The following CCNT2 variants were observed in gnomAD, a reference collection of about 807,000 sequenced individuals.
CCNT2 encodes the protein cyclin T2.
A neutral mutation model predicts 70.0 loss-of-function variants in CCNT2; 18 were observed. That is an observed-to-expected ratio of 0.26 (90% CI 0.18 to 0.38). The LOEUF is 0.38. CCNT2 is among the 10% of genes least tolerant of loss of function. CCNT2 has a pLI of 1.00. For missense variants in CCNT2, 734 were observed against 890.2 expected (o/e 0.82, Z 2.23); for synonymous variants, 334 against 313.3 (o/e 1.07, Z -0.70).
At chr2:134,944,712 TCTCA>T (rs1445594756) in intron 5 of CCNT2, 5 of 983,864 alleles carry the variant, frequency 5.1e-6, no homozygotes, top group Non-Finnish European at 4.8e-6. Context: ...CTAGAATATA[TCTCA>T]CTCCATTTTA....
rs1037261493 is a variant in CCNT2, at chr2:134,957,476, A to G, written c.*2828A>G. On this transcript the variant is annotated 3_prime_UTR_variant, in exon 9 of 9. Transcript: ENST00000264157. ...ATTTGTTACCTTTACACAGAAGCAC[A>G]TTGCAAAGAAAGGCTTTATTTCTAC... is the stretch of plus-strand genomic sequence containing the variant. 6.6e-6 allele frequency: 1 copy of G among 152,208 alleles called. No homozygotes were observed. The highest frequency in any genetic ancestry group is 1.5e-5 in the Non-Finnish European group (1 of 68,010). 9.4% of individuals were successfully genotyped at this position (152,208 alleles called of 1,614,324 possible).
chr2:134,938,827 T>G (rs1005032191), intron 3 of CCNT2, among the ~76,000 whole-genome samples, 175 bp from the exon 4 acceptor site: 1 of 152,226 alleles, frequency 6.6e-6, no homozygotes, highest in African/African-American at 2.4e-5. Flanking sequence ...TAATTCAGTT[T>G]AGGCTTGCCA....
intron 2 of CCNT2, among the ~76,000 whole-genome samples, chr2:134,925,306 G>C (rs905154185): frequency 1.7e-4 from 26 of 151,956 alleles, no homozygotes; most frequent in African/African-American, 6.3e-4. Flanking sequence ...CTGGATTTTT[G>C]CCCTTTTTGT....
chr2:134,940,704 A>G (rs775119644), intron 4 of CCNT2, among the ~76,000 whole-genome samples: 1 of 152,196 alleles, frequency 6.6e-6, no homozygotes, highest in Non-Finnish European at 1.5e-5. Context: ...TAAATTACAT[A>G]TTGCGGTAAA....
At chr2:134,952,118 A>G (rs1682553641) in intron 7 of CCNT2, among the ~76,000 whole-genome samples, 1 of 152,184 alleles carries the variant, frequency 6.6e-6, no homozygotes, top group Admixed American at 6.5e-5. Flanking sequence ...CAGTATGTTG[A>G]TACGTCTTAT....
chr2:134,954,368 C>G lies in CCNT2; in HGVS notation c.1913C>G (p.Ser638Cys), dbSNP rs766991881. ...CACCACTCCAAAATGAGCAAAAGTT[C>G]CAAAAGTTCAGGTAGTTCATCTAGT... ...HNHHSKMSKS[S>C]KSSGSSSSSS... The change falls in exon 9 of 9, where the codon TCC (serine) becomes TGC (cysteine). Residue 638 changes from serine (S) to cysteine (C), a missense_variant. Ser to Cys is a moderately radical substitution (Grantham distance 112). This residue lies in a region of CCNT2 where 532 missense variants were observed against 556.9 expected (regional missense o/e 0.96). Coordinates refer to ENST00000264157, the MANE Select transcript of CCNT2 (RefSeq NM_058241.3). 2 of 1,614,018 alleles carry G rather than the reference C, an allele frequency of 1.2e-6. No homozygotes were observed. Among genetic ancestry groups the G allele is most frequent in the African/African-American group, 2.7e-5 (2 of 74,896 alleles).
chr2:134,944,106 G>A (rs1199681189), intron 5 of CCNT2: 1 of 983,990 alleles, frequency 1.0e-6, no homozygotes, highest in Non-Finnish European at 1.2e-6. Flanking sequence ...TCATTTGTAA[G>A]CTAGAACATA....
Position 134,942,787 on chromosome 2 carries a change from G to A in CCNT2, c.493+113G>A, listed in dbSNP as rs1044378348. 3.6e-6 allele frequency: 5 copies of A among 1,390,162 alleles called. No homozygotes were observed. In the African/African-American group the frequency reaches 7.4e-5, roughly 21 times the overall value. The allele number at this position is 1,390,162 out of a possible 1,614,324, so 86.1% of individuals were successfully genotyped here. On this transcript the variant is annotated intron_variant, in intron 5 of 8. Coordinates refer to ENST00000264157, the MANE Select transcript of CCNT2 (RefSeq NM_058241.3). ...TTTGTTAGGTTTCATTAAAATTAGG[G>A]AGAAATGTCATTTTTTAAGCATTAC...
intron 2 of CCNT2, among the ~76,000 whole-genome samples, chr2:134,928,177 G>T (rs1680436015): frequency 6.6e-6 from 1 of 151,534 alleles, no homozygotes; most frequent in Non-Finnish European, 1.5e-5. Flanking sequence ...GGTGAGGCTA[G>T]TCTCGAACTC....
rs1240362293 is a variant in CCNT2, at chr2:134,955,158, G to C, written c.*510G>C. 1 of 154,976 alleles carries C rather than the reference G, an allele frequency of 6.5e-6. No homozygotes were observed. Among genetic ancestry groups the C allele is most frequent in the Non-Finnish European group, 1.4e-5 (1 of 69,494 alleles). The allele number at this position is 154,976 out of a possible 1,614,324, so 9.6% of individuals were successfully genotyped here. A position where few individuals can be genotyped will look rare whatever the true frequency, so the allele number is the denominator to read the frequency against. Reference sequence around the variant, plus strand: ...CATTTTTGTATGTTTAGATATTACCGTAAATACTCAGGATTGGAGCTGCTT... The same window carrying C: ...CATTTTTGTATGTTTAGATATTACCCTAAATACTCAGGATTGGAGCTGCTT... On this transcript the variant is annotated 3_prime_UTR_variant, in exon 9 of 9. Transcript: ENST00000264157.
chr2:134,938,339 A>G (rs985664273), intron 3 of CCNT2, among the ~76,000 whole-genome samples: 7 of 152,218 alleles, frequency 4.6e-5, no homozygotes, highest in Admixed American at 1.3e-4. Context: ...GTAATATAGT[A>G]TTTCCTTATC....
intron 2 of CCNT2, among the ~76,000 whole-genome samples, chr2:134,921,108 G>A (rs1024680456): frequency 1.3e-5 from 2 of 152,098 alleles, no homozygotes; most frequent in Non-Finnish European, 2.9e-5. Context: ...GGAAGCCATT[G>A]GTGATAACAT....
chr2:134,924,885 T>C (rs151166384), intron 2 of CCNT2, among the ~76,000 whole-genome samples: 49 of 152,212 alleles, frequency 3.2e-4, no homozygotes, highest in African/African-American at 1.1e-3. Flanking sequence ...CCCCTCCATC[T>C]TTTTATGTCA....
intron 1 of CCNT2, 135 bp downstream of exon 1, chr2:134,919,147 C>A: frequency 9.7e-7 from 1 of 1,032,550 alleles, no homozygotes; most frequent in Non-Finnish European, 1.4e-6. Context: ...AGTAATGTTC[C>A]GGCTCGGGCA....
rs953274670 is a variant in CCNT2, at chr2:134,958,089, A to G, written c.*3441A>G. 1.3e-5 allele frequency: 2 copies of G among 152,226 alleles called. No homozygotes were observed. The highest frequency in any genetic ancestry group is 2.9e-5 in the Non-Finnish European group (2 of 68,030). The allele number at this position is 152,226 out of a possible 1,614,324, so 9.4% of individuals were successfully genotyped here. A position where few individuals can be genotyped will look rare whatever the true frequency, so the allele number is the denominator to read the frequency against. ...ACTTGTATTCGTTAAGCAACCTTAG[A>G]AATAAACCACTGCTTATATCTGCAT... On this transcript the variant is annotated 3_prime_UTR_variant, in exon 9 of 9. Coordinates refer to ENST00000264157, the MANE Select transcript of CCNT2 (RefSeq NM_058241.3).
chr2:134,919,965 T>G, intron 2 of CCNT2, 74 bp downstream of exon 2: 2 of 968,746 alleles, frequency 2.1e-6, no homozygotes, highest in Non-Finnish European at 3.3e-6. Context: ...AAGTTGGTCA[T>G]TGCGTTGTTG....
At chr2:134,940,737 C>T (rs1238102052) in intron 4 of CCNT2, among the ~76,000 whole-genome samples, 3 of 151,950 alleles carry the variant, frequency 2.0e-5, no homozygotes, top group African/African-American at 7.3e-5. Context: ...ATATTTTTAC[C>T]GTATTTAGTG....
At chr2:134,934,491 C>T (rs1420346181) in intron 2 of CCNT2, among the ~76,000 whole-genome samples, 1 of 152,242 alleles carries the variant, frequency 6.6e-6, no homozygotes, top group Non-Finnish European at 1.5e-5. Context: ...TTTTAAGCCT[C>T]ACAACAAAAT....
intron 2 of CCNT2, among the ~76,000 whole-genome samples, chr2:134,934,471 T>C (rs752515132): frequency 5.3e-5 from 8 of 152,204 alleles, no homozygotes; most frequent in Non-Finnish European, 1.0e-4. Context: ...ACCCAAAACA[T>C]TTGGAATTCT....
Sources: allele counts gnomAD v4.1 joint callset (sites outside exome capture counted in the v4.1 genomes callset), GRCh38; gene constraint gnomAD v4.1.1; regional missense constraint gnomAD v4.1.1; transcripts MANE v1.5; gene names NCBI Gene and HGNC (gene_info 2026-07-23, HGNC 2026-07-21).